Variants in TMC1 observed in about 807,000 individuals in gnomAD.
TMC1 encodes the protein transmembrane channel-like protein 1.
In TMC1, 84 loss-of-function variants were observed where a neutral mutation model predicts 105.8. That is an observed-to-expected ratio of 0.79 (90% CI 0.67 to 0.95). The LOEUF (loss-of-function observed/expected upper bound fraction) is 0.95, where lower values mean the gene tolerates loss of function less well. TMC1 is among the 40% of genes least tolerant of loss of function. The probability of loss-of-function intolerance (pLI) is 0.00; values close to 1 mark genes in which losing one functional copy is unlikely to be tolerated. For synonymous variants in TMC1, 315 were observed against 311.5 expected (o/e 1.01, Z -0.12); for missense variants, 817 against 914.1 (o/e 0.89, Z 1.37).
intron 14 of TMC1, 74 bp from the exon 15 acceptor site, chr9:72,789,049 T>C (rs373033009): frequency 6.2e-6 from 9 of 1,454,274 alleles, no homozygotes; most frequent in East Asian, 4.6e-5. Context: ...CTTTTGAGGT[T>C]TTGATACTTT....
intron 9 of TMC1, among the ~76,000 whole-genome samples, chr9:72,742,009 C>A (rs1588059785): frequency 6.6e-6 from 1 of 152,186 alleles, no homozygotes; most frequent in Middle Eastern, 3.4e-3. Context: ...AAGACAGGAC[C>A]TGGAAATAAA....
intron 5 of TMC1, chr9:72,655,990 T>C (rs1825878925): frequency 1.3e-6 from 1 of 775,916 alleles, no homozygotes; most frequent in Non-Finnish European, 2.3e-6. Flanking sequence ...CCACATGGAG[T>C]TTTTTCTTGT....
chr9:72,722,228 G>A (rs959091889), intron 8 of TMC1, among the ~76,000 whole-genome samples: 6 of 152,184 alleles, frequency 3.9e-5, no homozygotes, highest in African/African-American at 1.4e-4. Context: ...TATTAACTGT[G>A]AGGGTGGATT....
At chr9:72,727,292 C>A (rs2117969474) in intron 8 of TMC1, among the ~76,000 whole-genome samples, 1 of 152,260 alleles carries the variant, frequency 6.6e-6, no homozygotes, top group East Asian at 1.9e-4. Context: ...GTAACTATTT[C>A]ATGGGCCTAG....
At chr9:72,635,385 T>C (rs1017179062) in intron 4 of TMC1, among the ~76,000 whole-genome samples, 1 of 152,194 alleles carries the variant, frequency 6.6e-6, no homozygotes, top group African/African-American at 2.4e-5. Context: ...TCTAACCACA[T>C]GGTTGATTTC....
At chr9:72,775,581 A>G (rs1327063005) in intron 13 of TMC1, among the ~76,000 whole-genome samples, 4 of 152,326 alleles carry the variant, frequency 2.6e-5, no homozygotes, top group South Asian at 2.1e-4. Flanking sequence ...TTGAGAATGC[A>G]TGTCTTAATA....
intron 12 of TMC1, among the ~76,000 whole-genome samples, chr9:72,762,464 G>A (rs1827772047): frequency 6.6e-6 from 1 of 152,092 alleles, no homozygotes; most frequent in Non-Finnish European, 1.5e-5. Context: ...CTGTTATTTA[G>A]TTTCAACAGG....
intron 8 of TMC1, among the ~76,000 whole-genome samples, chr9:72,722,836 A>T (rs12347044): frequency 0.042 from 6,348 of 152,228 alleles, 220 homozygotes; most frequent in Middle Eastern, 0.11. Flanking sequence ...CGTGGTGTAA[A>T]TACTTCCACT....
At chr9:72,626,549 GAGA>G (rs1185989604) in intron 3 of TMC1, among the ~76,000 whole-genome samples, 1 of 152,248 alleles carries the variant, frequency 6.6e-6, no homozygotes, top group African/African-American at 2.4e-5. Context: ...CAAGGAGACA[GAGA>G]AGGAGTGAAT....
chr9:72,698,639 A>G (rs1300951051), intron 7 of TMC1, among the ~76,000 whole-genome samples: 1 of 152,190 alleles, frequency 6.6e-6, no homozygotes, highest in Admixed American at 6.5e-5. Context: ...AGAGAACACT[A>G]AAGTATCATA....
At chr9:72,810,388 A>AT (rs1828682082) in intron 18 of TMC1, among the ~76,000 whole-genome samples, 1 of 152,080 alleles carries the variant, frequency 6.6e-6, no homozygotes, top group Admixed American at 6.6e-5. Context: ...AAAGCACATG[A>AT]TTTTTTTCTT....
chr9:72,728,488 G>A (rs902100374), intron 8 of TMC1, among the ~76,000 whole-genome samples: 2 of 152,084 alleles, frequency 1.3e-5, no homozygotes, highest in Non-Finnish European at 2.9e-5. Context: ...TCTTGTATCT[G>A]CTGCTTCTTG....
chr9:72,697,581 A>C (rs1826571869), intron 7 of TMC1, among the ~76,000 whole-genome samples: 1 of 152,132 alleles, frequency 6.6e-6, no homozygotes, highest in African/African-American at 2.4e-5. Flanking sequence ...TAGTATTAGA[A>C]TTGTTTCTAT....
intron 1 of TMC1, among the ~76,000 whole-genome samples, chr9:72,522,815 C>T (rs897864399): frequency 1.3e-4 from 20 of 152,202 alleles, no homozygotes; most frequent in Admixed American, 7.9e-4. Context: ...TGAATAGGGT[C>T]ATATTTTAAA....
At chr9:72,616,880 C>T (rs1231087172) in intron 3 of TMC1, among the ~76,000 whole-genome samples, 1 of 152,058 alleles carries the variant, frequency 6.6e-6, no homozygotes. Flanking sequence ...GGAGCCACAT[C>T]ATCCATCAAA....
At chr9:72,760,418 TGCAAAGCCCAGGGGTGCCAAA>T (rs891388503) in intron 12 of TMC1, among the ~76,000 whole-genome samples, 1 of 152,098 alleles carries the variant, frequency 6.6e-6, no homozygotes, top group Non-Finnish European at 1.5e-5. Flanking sequence ...TCCTGACTTT[TGCAAAGCCCAGGGGTGCCAAA>T]GCAGGCATCC....
At chr9:72,821,692 A>T (rs1299006356) in intron 20 of TMC1, among the ~76,000 whole-genome samples, 1 of 152,162 alleles carries the variant, frequency 6.6e-6, no homozygotes, top group Non-Finnish European at 1.5e-5. Context: ...ATGTTAGAGG[A>T]TAGCTAAGAG....
chr9:72,826,740 A>G, intron 20 of TMC1, 129 bp from the exon 21 acceptor site: 2 of 970,176 alleles, frequency 2.1e-6, no homozygotes, highest in Non-Finnish European at 3.3e-6. Flanking sequence ...AGTTGTAGCT[A>G]AACATCAGAT....
intron 11 of TMC1, among the ~76,000 whole-genome samples, chr9:72,752,607 G>A (rs1367174050): frequency 6.6e-6 from 1 of 152,138 alleles, no homozygotes; most frequent in Non-Finnish European, 1.5e-5. Context: ...AGGCCAAAAA[G>A]CTAGACTGAG....
Sources: gnomAD v4.1 joint callset for allele counts (sites outside exome capture counted in the v4.1 genomes callset) on GRCh38, gnomAD v4.1.1 for gene constraint, MANE v1.5 for transcripts, NCBI Gene and HGNC (gene_info 2026-07-23, HGNC 2026-07-21) for gene names.